The following ITPR1 variants were observed in gnomAD, a reference collection of about 807,000 sequenced individuals.
The protein encoded by ITPR1 is inositol 1,4,5-trisphosphate receptor type 1.
ITPR1 carries 96 observed loss-of-function variants against 318.4 expected under a neutral mutation model. The ratio of observed to expected loss-of-function variants is 0.30; its 90% CI spans 0.26 to 0.36. The LOEUF (loss-of-function observed/expected upper bound fraction) is 0.36. Ranked by LOEUF, ITPR1 falls within the 10% of genes least tolerant of loss-of-function variation. The pLI is 1.00. For missense variants in ITPR1, 2,440 were observed against 3,460.2 expected (o/e 0.71, Z 7.40); for synonymous variants, 1,312 against 1,289.9 (o/e 1.02, Z -0.37).
At chr3:4,543,734 T>C (rs2084695406) in intron 4 of ITPR1, among the ~76,000 whole-genome samples, 1 of 152,214 alleles carries the variant, frequency 6.6e-6, no homozygotes, top group Admixed American at 6.5e-5. Context: ...TGAGCCACCA[T>C]GCCTGGCCGT....
intron 8 of ITPR1, 78 bp downstream of exon 8, chr3:4,644,312 C>A: frequency 1.1e-6 from 1 of 920,052 alleles, no homozygotes; most frequent in South Asian, 1.6e-5. Flanking sequence ...CATGCGTGTG[C>A]TGAGAGTGAC....
intron 61 of ITPR1, among the ~76,000 whole-genome samples, chr3:4,838,007 C>G (rs917005848): frequency 6.6e-6 from 1 of 152,114 alleles, no homozygotes; most frequent in Admixed American, 6.5e-5. Flanking sequence ...ATCACTCTTA[C>G]AAAGATGATA....
At chr3:4,510,345 T>C (rs183135670) in intron 2 of ITPR1, among the ~76,000 whole-genome samples, 12 of 152,300 alleles carry the variant, frequency 7.9e-5, no homozygotes, top group East Asian at 1.9e-4. Context: ...TATGGTCTGA[T>C]TTATGTTTCT....
At chr3:4,588,959 T>G (rs1012048821) in intron 4 of ITPR1, among the ~76,000 whole-genome samples, 1 of 152,166 alleles carries the variant, frequency 6.6e-6, no homozygotes, top group Non-Finnish European at 1.5e-5. Flanking sequence ...CAGCCCTCAT[T>G]CTGCTCTAAA....
intron 44 of ITPR1, among the ~76,000 whole-genome samples, chr3:4,742,943 A>G (rs1445073451): frequency 1.3e-5 from 2 of 152,220 alleles, no homozygotes; most frequent in South Asian, 2.1e-4. Context: ...CTGACTGTAT[A>G]TTAAAAATGA....
At position 4,652,486 on chromosome 3, in the gene ITPR1, T is replaced by G. The variant is rs74656548; in HGVS notation, c.951+268T>G. On this transcript the variant is annotated intron_variant, in intron 11 of 61. Transcript: ENST00000649015. ...ATGCCGATCTAGGTTTTCGGTATTA[T>G]TTTCCATTTCGCTTTTATATACGAC... is the stretch of plus-strand genomic sequence containing the variant. 0.015 allele frequency among the ~76,000 whole-genome samples: 2,225 copies of G among 152,238 alleles called. 51 individuals carry two copies. Among genetic ancestry groups the G allele is most frequent in the African/African-American group, 0.051 (2,107 of 41,532 alleles).
rs114361907 is a variant in ITPR1, at chr3:4,769,060, T to A, written c.5979+296T>A. On this transcript the variant is annotated intron_variant, in intron 46 of 61. Coordinates refer to ENST00000649015, the MANE Select transcript of ITPR1 (RefSeq NM_001378452.1). ...AAGTAGCTAGAATTAGAGGAGTGCC[T>A]GGCTAATTTTTGTATTTTTAGTAGA... Among the ~76,000 whole-genome samples the A allele has an allele frequency of 9.4e-3, 1,426 of 152,046 alleles. 21 individuals are homozygous for A. Among genetic ancestry groups the A allele is most frequent in the African/African-American group, 0.032 (1,326 of 41,478 alleles).
intron 18 of ITPR1, 128 bp downstream of exon 18, chr3:4,667,677 G>A: frequency 5.0e-6 from 4 of 800,442 alleles, no homozygotes; most frequent in South Asian, 5.0e-5. Flanking sequence ...GTCTGGAGAG[G>A]CTTTTTGATG....
At chr3:4,709,056 C>G (rs756471281) in intron 37 of ITPR1, among the ~76,000 whole-genome samples, 19 of 152,304 alleles carry the variant, frequency 1.2e-4, no homozygotes, top group Middle Eastern at 3.4e-3. Flanking sequence ...CAACTTTAAT[C>G]CTGTGTAAAT....
intron 4 of ITPR1, among the ~76,000 whole-genome samples, chr3:4,572,463 G>A (rs2088123657): frequency 6.6e-6 from 1 of 152,048 alleles, no homozygotes; most frequent in South Asian, 2.1e-4. Flanking sequence ...AAATTTGCAA[G>A]CTTCATGTGA....
At chr3:4,568,328 A>G (rs533371910) in intron 4 of ITPR1, among the ~76,000 whole-genome samples, 14 of 152,296 alleles carry the variant, frequency 9.2e-5, no homozygotes, top group Admixed American at 3.9e-4. Context: ...TTTCTATTTT[A>G]ACTTCTCTTT....
intron 24 of ITPR1, 150 bp downstream of exon 24, chr3:4,676,951 C>T (rs1353076784): frequency 3.2e-6 from 2 of 622,388 alleles, no homozygotes; most frequent in African/African-American, 3.7e-5. Context: ...TATGAGCTGG[C>T]TCCTCTTAAT....
rs377254642 is a variant in ITPR1, at chr3:4,795,207, C to T, written c.6931+20C>T. ...GAGGAGGTACCCATATCTTTAACTT[C>T]AAAAATCCTATTAGAAGCAGCAGGA... On this transcript the variant is annotated intron_variant, in intron 53 of 61. Coordinates refer to ENST00000649015, the MANE Select transcript of ITPR1 (RefSeq NM_001378452.1). The T allele has an allele frequency of 1.9e-6, 3 of 1,607,872 alleles. No individual in the cohort carries two copies. The highest frequency in any genetic ancestry group is 2.5e-6 in the Non-Finnish European group (3 of 1,177,252).
chr3:4,591,685 A>T (rs994342615), intron 4 of ITPR1, among the ~76,000 whole-genome samples: 5 of 152,214 alleles, frequency 3.3e-5, no homozygotes, highest in Admixed American at 3.3e-4. Context: ...TAGGGTGTGG[A>T]AGACTTTTCA....
chr3:4,546,472 G>A (rs1468857014), intron 4 of ITPR1, among the ~76,000 whole-genome samples: 1 of 152,184 alleles, frequency 6.6e-6, no homozygotes, highest in East Asian at 1.9e-4. Flanking sequence ...TTGGAGCTAA[G>A]AGTTCCTGAA....
chr3:4,689,579 A>G (rs2094449159), intron 31 of ITPR1, among the ~76,000 whole-genome samples: 1 of 152,238 alleles, frequency 6.6e-6, no homozygotes. Flanking sequence ...TGTGCTCCCA[A>G]GCATTTTGGA....
chr3:4,528,004 G>A (rs899859338), intron 4 of ITPR1, among the ~76,000 whole-genome samples: 3 of 152,194 alleles, frequency 2.0e-5, no homozygotes, highest in African/African-American at 4.8e-5. Context: ...TCATGCTTGA[G>A]TGATAAGAAA....
intron 44 of ITPR1, among the ~76,000 whole-genome samples, chr3:4,764,107 G>A (rs376098822): frequency 2.0e-5 from 3 of 152,336 alleles, no homozygotes; most frequent in Non-Finnish European, 4.4e-5. Context: ...ATGTTGGATG[G>A]TCTGTCTTGG....
At chr3:4,614,388 C>G (rs2092300422) in intron 4 of ITPR1, among the ~76,000 whole-genome samples, 2 of 152,242 alleles carry the variant, frequency 1.3e-5, no homozygotes, top group Admixed American at 1.3e-4. Context: ...TTTATCCCTT[C>G]TATCATACCA....
Sources: gnomAD v4.1 joint callset for allele counts (sites outside exome capture counted in the v4.1 genomes callset) on GRCh38, gnomAD v4.1.1 for gene constraint, MANE v1.5 for transcripts, NCBI Gene and HGNC (gene_info 2026-07-23, HGNC 2026-07-21) for gene names.